The following NAE1 variants were observed in gnomAD, a reference collection of about 807,000 sequenced individuals.
NAE1 encodes NEDD8 activating enzyme E1 subunit 1, also known as NEDD8-activating enzyme E1 regulatory subunit.
Under a neutral mutation model 88.0 loss-of-function variants are expected in NAE1, and 59 were observed. The ratio of observed to expected loss-of-function variants is 0.67; its 90% CI spans 0.54 to 0.83. The LOEUF is 0.83. Ranked by LOEUF, NAE1 falls within the 40% of genes least tolerant of loss-of-function variation. The pLI is 0.00. For missense variants in NAE1, 554 were observed against 632.8 expected (o/e 0.88, Z 1.34); for synonymous variants, 186 against 208.9 (o/e 0.89, Z 0.95).
rs752751818 is a variant in NAE1 at position 66,823,238 on chromosome 16, C to A, written c.390G>T (p.Gln130His). ...ACATAAAAATTTACCTTTCAGGAAG[C>A]TGAGTTGCAACTACAACAGTAAACC... is the stretch of plus-strand genomic sequence containing the variant. ...FCRFTVVVAT[Q>H]LPESTSLRLA... Residue 130 changes from glutamine (Q) to histidine (H), a missense_variant, in exon 6 of 20, where the codon CAG becomes CAT. Gln to His is a conservative substitution (Grantham distance 24). Transcript: ENST00000290810. 3 of 1,584,782 alleles carry A rather than the reference C, an allele frequency of 1.9e-6. No individual in the cohort carries two copies. The African/African-American group carries it at 4.1e-5, about 22-fold the overall frequency.
At chr16:66,828,827 T>A (rs1212555050) in intron 1 of NAE1, among the ~76,000 whole-genome samples, 1 of 150,324 alleles carries the variant, frequency 6.7e-6, no homozygotes, top group Non-Finnish European at 1.5e-5. Flanking sequence ...CTAAAACAGT[T>A]AGCTAAGCAT....
chr16:66,813,503 A>G, intron 13 of NAE1, 61 bp downstream of exon 13: 1 of 1,512,122 alleles, frequency 6.6e-7, no homozygotes, highest in East Asian at 2.3e-5. Flanking sequence ...AGGATGATAA[A>G]ATGTTTATCT....
In NAE1 at chr16:66,813,925, A is replaced by T. The variant is rs1959929590; in HGVS notation, c.841-79T>A. ...TTTATTTTCAGTGCTATTTCTTCAG[A>T]TATGTTCTTTGAATTCTCAAATTGT... On this transcript the variant is annotated intron_variant, in intron 11 of 19. Transcript: ENST00000290810. 58 of 1,327,442 alleles carry T rather than the reference A, an allele frequency of 4.4e-5. No individual in the cohort carries two copies. In the Middle Eastern group the frequency reaches 7.2e-4, roughly 17 times the overall value. 82.2% of individuals were successfully genotyped at this position (1,327,442 alleles called of 1,614,324 possible).
intron 6 of NAE1, 52 bp downstream of exon 6, chr16:66,823,175 C>A (rs1202371202): frequency 2.7e-6 from 3 of 1,091,114 alleles, no homozygotes; most frequent in Non-Finnish European, 3.9e-6. Flanking sequence ...GAAAATAAAA[C>A]AATGCAAATC....
chr16:66,830,844 C>T lies in NAE1; in HGVS notation c.53+3G>A. 1 of 1,517,348 alleles carries T rather than the reference C, an allele frequency of 6.6e-7. No individual in the cohort carries two copies. The highest frequency in any genetic ancestry group is 8.8e-7 in the Non-Finnish European group (1 of 1,140,690). 94.0% of individuals were successfully genotyped at this position (1,517,348 alleles called of 1,614,324 possible). A position where few individuals can be genotyped will look rare whatever the true frequency, so the allele number is the denominator to read the frequency against. ...GCCCTCGGCTCGGTGAGCCTCGGCTCACCTCAGCTGCCGGTCGTACTTCTG... is the reference window on the plus strand; with the variant it reads ...GCCCTCGGCTCGGTGAGCCTCGGCTTACCTCAGCTGCCGGTCGTACTTCTG... On this transcript the variant is annotated splice_donor_region_variant and intron_variant, in intron 1 of 19. Coordinates refer to ENST00000290810, the MANE Select transcript of NAE1 (RefSeq NM_003905.4).
intron 1 of NAE1, chr16:66,827,945 AGAGTTGCTG>A: frequency 6.4e-7 from 1 of 1,558,368 alleles, no homozygotes; most frequent in Non-Finnish European, 8.8e-7. Context: ...CTCAGCCTCT[AGAGTTGCTG>A]GGACTACAGG....
chr16:66,817,062 T>C lies in NAE1; in HGVS notation c.685-34A>G, dbSNP rs1009018518. On this transcript the variant is annotated intron_variant, in intron 9 of 19. Transcript: ENST00000290810. The stretch of plus-strand genomic sequence containing the variant: ...GTTAAAAATTTTAAAAATCTAGTTA[T>C]TAAAATTCAAAATACAGAAATTGAA... 6.4e-6 allele frequency: 10 copies of C among 1,571,352 alleles called. No homozygotes were observed. The East Asian group carries it at 2.0e-4, about 32-fold the overall frequency.
intron 7 of NAE1, 45 bp downstream of exon 7, chr16:66,821,405 T>C: frequency 6.8e-7 from 1 of 1,467,132 alleles, no homozygotes; most frequent in Non-Finnish European, 9.1e-7. Context: ...TCTAAAATTA[T>C]AGCTAAAGCA....
chr16:66,824,855 C>A lies in NAE1; in HGVS notation c.249G>T (p.Lys83Asn). 6.2e-7 allele frequency: 1 copy of A among 1,609,432 alleles called. No homozygotes were observed. The highest frequency in any genetic ancestry group is 8.5e-7 in the Non-Finnish European group (1 of 1,177,166). ...CCAACTATATTCTCTAATTGTTTAC[C>A]TTGCCGATACTGCTTCTTTGAAGGA... is the stretch of plus-strand genomic sequence containing the variant. ...NFFLQRSSIG[K>N]NRAEAAMEFL... Residue 83 changes from lysine to asparagine, a missense_variant and splice_region_variant, in exon 4 of 20, where the codon AAG becomes AAT. Lys to Asn is a moderately conservative substitution (Grantham distance 94). Coordinates refer to ENST00000290810, the MANE Select transcript of NAE1 (RefSeq NM_003905.4).
chr16:66,806,740 A>T (rs1438405425), intron 17 of NAE1, among the ~76,000 whole-genome samples: 1 of 152,216 alleles, frequency 6.6e-6, no homozygotes, highest in African/African-American at 2.4e-5. Flanking sequence ...ATTGAGCATT[A>T]ATAGATGCTG....
intron 13 of NAE1, among the ~76,000 whole-genome samples, chr16:66,811,427 C>T (rs961893386): frequency 6.6e-6 from 1 of 152,108 alleles, no homozygotes; most frequent in Non-Finnish European, 1.5e-5. Flanking sequence ...GTATTAATGA[C>T]AATTTTCAAT....
intron 17 of NAE1, among the ~76,000 whole-genome samples, chr16:66,806,327 A>C (rs1959563006): frequency 6.6e-6 from 1 of 152,262 alleles, no homozygotes; most frequent in African/African-American, 2.4e-5. Flanking sequence ...ATGAATGAGA[A>C]AGTAATGTCC....
intron 13 of NAE1, among the ~76,000 whole-genome samples, chr16:66,811,892 A>G (rs1597040419): frequency 6.6e-6 from 1 of 152,278 alleles, no homozygotes; most frequent in East Asian, 1.9e-4. Flanking sequence ...AAAGAGTGAA[A>G]TCTGTCTGGG....
At chr16:66,826,381 ATAT>A (rs1316608877) in intron 3 of NAE1, 139 bp downstream of exon 3, 1 of 730,650 alleles carries the variant, frequency 1.4e-6, no homozygotes, top group Non-Finnish European at 2.3e-6. Flanking sequence ...CACTTTACCT[ATAT>A]TATCTCACTT....
At chr16:66,825,119 TC>T (rs1438271819) in intron 3 of NAE1, among the ~76,000 whole-genome samples, 1 of 152,228 alleles carries the variant, frequency 6.6e-6, no homozygotes, top group African/African-American at 2.4e-5. Flanking sequence ...TTTCACAAGA[TC>T]CTCTGAGAGA....
At chr16:66,826,267 T>A in intron 3 of NAE1, 1 of 470,772 alleles carries the variant, frequency 2.1e-6, no homozygotes, top group Non-Finnish European at 3.8e-6. Flanking sequence ...GTGCCCATAT[T>A]CCATGAATAA....
At chr16:66,808,710 T>C (rs1201931880) in intron 16 of NAE1, 97 bp from the exon 17 acceptor site, 1 of 899,802 alleles carries the variant, frequency 1.1e-6, no homozygotes, top group African/African-American at 1.7e-5. Flanking sequence ...TCAGGACTAT[T>C]AACTGGAGTC....
At chr16:66,807,586 G>T (rs1259134094) in intron 17 of NAE1, among the ~76,000 whole-genome samples, 3 of 151,892 alleles carry the variant, frequency 2.0e-5, no homozygotes, top group Non-Finnish European at 4.4e-5. Flanking sequence ...GTTGCAGTGA[G>T]CTGAGATCAC....
At position 66,816,819 on chromosome 16, in the gene NAE1, G is replaced by A. The variant is rs939129025; in HGVS notation, c.748+146C>T. 7.5e-6 allele frequency: 10 copies of A among 1,333,202 alleles called. No individual in the cohort carries two copies. In the African/African-American group the frequency reaches 1.3e-4, roughly 18 times the overall value. The allele number at this position is 1,333,202 out of a possible 1,614,324, so 82.6% of individuals were successfully genotyped here. On this transcript the variant is annotated intron_variant, in intron 10 of 19. Transcript: ENST00000290810. Reference sequence around the variant, plus strand: ...TCATTAGTCCTTAAAACTATACAAGGCGTGGCTTCTTAACTTCTCCAGAAG... The same window carrying A: ...TCATTAGTCCTTAAAACTATACAAGACGTGGCTTCTTAACTTCTCCAGAAG...
Sources: gnomAD v4.1 joint callset for allele counts (sites outside exome capture counted in the v4.1 genomes callset) on GRCh38, gnomAD v4.1.1 for gene constraint, MANE v1.5 for transcripts, NCBI Gene and HGNC (gene_info 2026-07-23, HGNC 2026-07-21) for gene names.